TNR: variants seen among roughly 807,000 people sequenced by gnomAD.
TNR encodes tenascin R, also known as tenascin-R.
TNR carries 45 observed loss-of-function variants against 150.4 expected under a neutral mutation model. That is an observed-to-expected ratio of 0.30 (90% CI 0.24 to 0.38). The LOEUF (loss-of-function observed/expected upper bound fraction) is 0.38. Among genes scored for constraint, TNR ranks in the 10% least tolerant of loss-of-function variants. The pLI is 1.00. For missense variants in TNR, 1,544 were observed against 1,759.1 expected, an observed-to-expected ratio of 0.88 and a Z score of 2.19; for synonymous variants, 687 against 678.4, an observed-to-expected ratio of 1.01 and a Z score of -0.20.
At chr1:175,397,280 C>T (rs1194866204) in intron 4 of TNR, among the ~76,000 whole-genome samples, 1 of 152,182 alleles carries the variant, frequency 6.6e-6, no homozygotes. Flanking sequence ...TACTCTACTA[C>T]ACATCTGTTT....
At chr1:175,517,173 C>T (rs558140790) in intron 2 of TNR, among the ~76,000 whole-genome samples, 27 of 152,254 alleles carry the variant, frequency 1.8e-4, no homozygotes, top group Admixed American at 5.9e-4. Context: ...TTTCCCCTAC[C>T]TCCCCCCAAC....
chr1:175,621,007 C>T (rs1274643569), intron 1 of TNR, among the ~76,000 whole-genome samples: 1 of 152,188 alleles, frequency 6.6e-6, no homozygotes, highest in African/African-American at 2.4e-5. Context: ...CCTGTTAATT[C>T]TAAATGCGAA....
chr1:175,619,899 A>G (rs1007308190), intron 1 of TNR, among the ~76,000 whole-genome samples: 3 of 152,242 alleles, frequency 2.0e-5, no homozygotes, highest in Non-Finnish European at 4.4e-5. Context: ...AGAATAAGAA[A>G]GCATTTGCTC....
At position 175,365,177 on chromosome 1, in the gene TNR, T is replaced by C. The variant is rs755262066; in HGVS notation, c.2420A>G (p.Asn807Ser). The C allele has an allele frequency of 2.5e-6, 4 of 1,614,064 alleles. No homozygotes were observed. The South Asian group carries it at 4.4e-5, about 18-fold the overall frequency. ...PSPPADRLIL[N>S]YSPRDEEEEM... Reference sequence around the variant, plus strand: ...TTCCTCCTCATCCCTGGGGCTGTAGTTAAGAATGAGTCTGTCTGCTGGGGG... The same window carrying C: ...TTCCTCCTCATCCCTGGGGCTGTAGCTAAGAATGAGTCTGTCTGCTGGGGG... The change falls in exon 12 of 23, where the codon AAC (asparagine) becomes AGC (serine). Residue 807 changes from asparagine (N) to serine (S), a missense_variant. Around this residue, in one of 2 missense-constraint regions of TNR, gnomAD observed 1,254 missense variants for 1,329.4 expected, o/e 0.94. Coordinates refer to ENST00000367674, the MANE Select transcript of TNR (RefSeq NM_003285.3).
intron 2 of TNR, among the ~76,000 whole-genome samples, chr1:175,420,904 T>C (rs1236682036): frequency 6.6e-6 from 1 of 152,196 alleles, no homozygotes; most frequent in Non-Finnish European, 1.5e-5. Context: ...CATAGGGAGA[T>C]TGGAAAAATA....
At chr1:175,742,994 A>C (rs535586834) in intron 1 of TNR, among the ~76,000 whole-genome samples, 24 of 138,338 alleles carry the variant, frequency 1.7e-4, no homozygotes, top group African/African-American at 5.5e-4. Flanking sequence ...ACACACACAC[A>C]CCCGCAAGGC....
chr1:175,525,178 C>A (rs1323973849), intron 2 of TNR, among the ~76,000 whole-genome samples: 1 of 152,174 alleles, frequency 6.6e-6, no homozygotes, highest in East Asian at 1.9e-4. Context: ...GGCACTTCTC[C>A]TTCCTGCCAT....
At chr1:175,330,623 G>A (rs560607206) in intron 20 of TNR, 4 of 159,728 alleles carry the variant, frequency 2.5e-5, no homozygotes, top group African/African-American at 4.8e-5. Context: ...ATGAGTGATC[G>A]AAAGCAAGAG....
chr1:175,548,923 A>G (rs574268429), intron 1 of TNR, among the ~76,000 whole-genome samples: 2 of 152,218 alleles, frequency 1.3e-5, no homozygotes, highest in Admixed American at 6.5e-5. Flanking sequence ...TTCATCACTG[A>G]ATACAACAAC....
intron 4 of TNR, among the ~76,000 whole-genome samples, chr1:175,397,146 TA>T (rs1310092080): frequency 1.3e-4 from 20 of 152,228 alleles, no homozygotes; most frequent in African/African-American, 4.6e-4. Flanking sequence ...TAAATTATAT[TA>T]AAAATAAAGG....
chr1:175,736,365 C>A (rs1306470242), intron 1 of TNR, among the ~76,000 whole-genome samples: 10 of 151,954 alleles, frequency 6.6e-5, no homozygotes, highest in African/African-American at 2.2e-4. Flanking sequence ...ACTAAAAATA[C>A]AAAAAATTAG....
chr1:175,712,968 T>C (rs982168809), intron 1 of TNR, among the ~76,000 whole-genome samples: 3 of 152,194 alleles, frequency 2.0e-5, no homozygotes, highest in Non-Finnish European at 4.4e-5. Flanking sequence ...TATAGGCTCC[T>C]GGCTGGGGGA....
chr1:175,696,234 T>G (rs916377354), intron 1 of TNR, among the ~76,000 whole-genome samples: 17 of 147,930 alleles, frequency 1.1e-4, no homozygotes, highest in African/African-American at 3.6e-4. Context: ...TTTTTTTTTT[T>G]TTTTTTTTTT....
chr1:175,692,907 G>A (rs907911344), intron 1 of TNR, among the ~76,000 whole-genome samples: 1 of 152,164 alleles, frequency 6.6e-6, no homozygotes, highest in Middle Eastern at 3.2e-3. Context: ...TATCAGTCCT[G>A]CTTCACAGAA....
intron 1 of TNR, among the ~76,000 whole-genome samples, chr1:175,578,210 G>A (rs1471268994): frequency 6.6e-6 from 1 of 152,102 alleles, no homozygotes; most frequent in Non-Finnish European, 1.5e-5. Flanking sequence ...GTGTGAGGTG[G>A]AGCGGGCAGG....
chr1:175,633,898 G>A (rs986861099), intron 1 of TNR, among the ~76,000 whole-genome samples: 5 of 152,070 alleles, frequency 3.3e-5, no homozygotes, highest in Admixed American at 3.3e-4. Context: ...AAAGGCTGTG[G>A]GCTCAAGAGT....
At chr1:175,590,854 T>C (rs1194985634) in intron 1 of TNR, among the ~76,000 whole-genome samples, 10 of 152,220 alleles carry the variant, frequency 6.6e-5, no homozygotes, top group Admixed American at 5.9e-4. Context: ...ACCTTGTATG[T>C]GTGCAGTGTT....
chr1:175,601,446 G>A (rs1336158361), intron 1 of TNR, among the ~76,000 whole-genome samples: 1 of 152,170 alleles, frequency 6.6e-6, no homozygotes, highest in Non-Finnish European at 1.5e-5. Flanking sequence ...AGGTGAATGG[G>A]CCTAAACTTA....
intron 1 of TNR, among the ~76,000 whole-genome samples, chr1:175,625,818 C>G (rs189309520): frequency 3.9e-5 from 6 of 152,268 alleles, no homozygotes; most frequent in Admixed American, 2.6e-4. Context: ...CCCCTCCTAC[C>G]CCCAGCCATC....
Sources: gnomAD v4.1 joint callset for allele counts (sites outside exome capture counted in the v4.1 genomes callset) on GRCh38, gnomAD v4.1.1 for gene constraint, gnomAD v4.1.1 regional missense constraint, MANE v1.5 for transcripts, NCBI Gene and HGNC (gene_info 2026-07-23, HGNC 2026-07-21) for gene names.